PCBP3: variants seen among roughly 807,000 people sequenced by gnomAD.
PCBP3 encodes the protein poly(rC)-binding protein 3.
Under a neutral mutation model 52.7 loss-of-function variants are expected in PCBP3, and 25 were observed. The ratio of observed to expected loss-of-function variants is 0.47; its 90% CI spans 0.35 to 0.66. PCBP3 has a LOEUF of 0.66. Ranked by LOEUF, PCBP3 falls within the 30% of genes least tolerant of loss-of-function variation. PCBP3 has a pLI of 0.01. For missense variants in PCBP3, 391 were observed against 490.3 expected (o/e 0.80, Z 1.91); for synonymous variants, 162 against 183.0 (o/e 0.89, Z 0.93).
At chr21:45,929,865 C>T in intron 13 of PCBP3, 52 bp from the exon 14 acceptor site, 1 of 1,354,172 alleles carries the variant, frequency 7.4e-7, no homozygotes, top group South Asian at 1.2e-5. Flanking sequence ...TTTGGTGTGA[C>T]TTGTACTCGA....
rs1174740261 is a variant in PCBP3 at position 45,827,086 on chromosome 21, A to G, written c.-125-22875A>G. Among the ~76,000 whole-genome samples the G allele has an allele frequency of 6.6e-6, 1 of 152,164 alleles. No homozygotes were observed. The highest frequency in any genetic ancestry group is 1.5e-5 in the Non-Finnish European group (1 of 68,024). ...TACTCCCAGCTGAGCCAGGCTCTCA[A>G]GAGCGCTCCCCACTCCCGCGTCCCT... On this transcript the variant is annotated intron_variant, in intron 4 of 17. Coordinates refer to ENST00000681687, the MANE Select transcript of PCBP3 (RefSeq NM_001384156.1). The surrounding 1 kb of genome is among the most constrained non-coding windows in gnomAD (Gnocchi z 4.3).
intron 3 of PCBP3, among the ~76,000 whole-genome samples, chr21:45,742,308 T>C (rs941012848): frequency 2.6e-5 from 4 of 152,238 alleles, no homozygotes; most frequent in Non-Finnish European, 5.9e-5. Context: ...TGAACAAGGC[T>C]GTACCAGAGT....
At position 45,707,725 on chromosome 21, in the gene PCBP3, A is replaced by AT. The variant is rs1210066595; in HGVS notation, c.-199-27666dup. ...ATACAGAGGTATTATTAGGAGCATAATATCCAAATAGTGGAGGTGATAGTC... is the reference window on the plus strand; with the variant it reads ...ATACAGAGGTATTATTAGGAGCATAATTATCCAAATAGTGGAGGTGATAGTC... On this transcript the variant is annotated intron_variant, in intron 2 of 17. Transcript: ENST00000681687. Among the ~76,000 whole-genome samples the AT allele has an allele frequency of 1.3e-4, 20 of 152,302 alleles. No individual in the cohort carries two copies. In the East Asian group the frequency reaches 3.9e-3, roughly 29 times the overall value.
intron 2 of PCBP3, among the ~76,000 whole-genome samples, chr21:45,676,728 A>T (rs111510090): frequency 1.3e-5 from 2 of 152,162 alleles, no homozygotes; most frequent in South Asian, 4.1e-4. Flanking sequence ...TGGCCTCTAC[A>T]TGTTCAGGTG....
At chr21:45,729,719 A>G (rs1309108526) in intron 2 of PCBP3, among the ~76,000 whole-genome samples, 1 of 152,096 alleles carries the variant, frequency 6.6e-6, no homozygotes, top group African/African-American at 2.4e-5. Flanking sequence ...GGTCAGTGCA[A>G]CTAGATATTT....
chr21:45,858,394 A>G (rs2014421), intron 5 of PCBP3: 117,724 of 152,186 alleles, frequency 0.77, 46,027 homozygotes, highest in East Asian at 1. Context: ...GCGGAGGAGG[A>G]ACGGCTTCTC....
intron 1 of PCBP3, among the ~76,000 whole-genome samples, chr21:45,650,568 A>G (rs2079613552): frequency 6.6e-6 from 1 of 151,968 alleles, no homozygotes; most frequent in Non-Finnish European, 1.5e-5. Context: ...TTCTTGCCTT[A>G]ACTTCTTGAT....
chr21:45,744,638 C>T (rs988152223), intron 3 of PCBP3, among the ~76,000 whole-genome samples: 1 of 152,096 alleles, frequency 6.6e-6, no homozygotes, highest in African/African-American at 2.4e-5. Flanking sequence ...ATTAATTTCT[C>T]ATTTTAGCAT....
At chr21:45,738,908 T>C (rs1603355583) in intron 3 of PCBP3, among the ~76,000 whole-genome samples, 1 of 104,176 alleles carries the variant, frequency 9.6e-6, no homozygotes, top group African/African-American at 3.9e-5. Flanking sequence ...CTGTCCACGA[T>C]CCTCTGGGTG....
chr21:45,743,598 C>G (rs1030608318), intron 3 of PCBP3, among the ~76,000 whole-genome samples: 6 of 152,034 alleles, frequency 3.9e-5, no homozygotes, highest in African/African-American at 1.4e-4. Flanking sequence ...CTCCCAGTAT[C>G]TTATTGGGAC....
chr21:45,784,340 A>AG (rs1569217627), intron 4 of PCBP3, among the ~76,000 whole-genome samples: 5 of 128,074 alleles, frequency 3.9e-5, no homozygotes, highest in Non-Finnish European at 6.8e-5. Context: ...TGACAGCTCT[A>AG]CCTCTACCTC....
intron 3 of PCBP3, among the ~76,000 whole-genome samples, chr21:45,744,835 A>G (rs1322531511): frequency 6.6e-6 from 1 of 152,072 alleles, no homozygotes; most frequent in Admixed American, 6.5e-5. Context: ...TGTTTTTATT[A>G]TTTAATTTAA....
At chr21:45,846,356 G>C (rs555982300) in intron 4 of PCBP3, among the ~76,000 whole-genome samples, 121 of 151,858 alleles carry the variant, frequency 8.0e-4, no homozygotes, top group African/African-American at 2.8e-3. Context: ...GCTGTCTGCT[G>C]TCTGTGCCAT....
chr21:45,889,717 G>A lies in PCBP3; in HGVS notation c.11-6491G>A, dbSNP rs555341598. ...CATGGCTCTTGTGGCAGTACATTGC[G>A]GTGGCTACAGATGTTTGTTGCCGTG... On this transcript the variant is annotated intron_variant, in intron 5 of 17. Coordinates refer to ENST00000681687, the MANE Select transcript of PCBP3 (RefSeq NM_001384156.1). Among the ~76,000 whole-genome samples, 6 of 152,276 alleles carry A rather than the reference G, an allele frequency of 3.9e-5. No homozygotes were observed. In the East Asian group the frequency reaches 7.7e-4, roughly 20 times the overall value.
chr21:45,889,173 G>T (rs561727990), intron 5 of PCBP3, among the ~76,000 whole-genome samples: 2 of 152,316 alleles, frequency 1.3e-5, no homozygotes, highest in South Asian at 4.1e-4. Context: ...GTGTGGGAGT[G>T]GGGGTTCAGG....
chr21:45,845,569 C>T (rs930019250), intron 4 of PCBP3, among the ~76,000 whole-genome samples: 7 of 150,908 alleles, frequency 4.6e-5, no homozygotes, highest in Non-Finnish European at 1.0e-4. Context: ...CTTAAGCACC[C>T]GTGTGCACAC....
chr21:45,819,725 T>C (rs1453558969), intron 4 of PCBP3, among the ~76,000 whole-genome samples: 1 of 152,238 alleles, frequency 6.6e-6, no homozygotes, highest in Non-Finnish European at 1.5e-5. Context: ...AATATCCTGC[T>C]CAAGGCCGGG....
At chr21:45,673,791 A>C (rs367590139) in intron 2 of PCBP3, 1 of 152,220 alleles carries the variant, frequency 6.6e-6, no homozygotes, top group South Asian at 2.1e-4. Flanking sequence ...TGTTTCTACT[A>C]TAAGGTACCC....
chr21:45,720,162 T>A (rs995597686), intron 2 of PCBP3, among the ~76,000 whole-genome samples: 2 of 152,200 alleles, frequency 1.3e-5, no homozygotes, highest in Non-Finnish European at 2.9e-5. Flanking sequence ...GGTGGTTTGC[T>A]GCACCCATCA....
Sources: allele counts gnomAD v4.1 joint callset (sites outside exome capture counted in the v4.1 genomes callset), GRCh38; gene constraint gnomAD v4.1.1; non-coding constraint Gnocchi (gnomAD v3.1); transcripts MANE v1.5; gene names NCBI Gene and HGNC (gene_info 2026-07-23, HGNC 2026-07-21).